ZBTB25: variants seen among roughly 807,000 people sequenced by gnomAD.
The protein encoded by ZBTB25 is zinc finger and BTB domain containing 25.
Under a neutral mutation model 34.2 loss-of-function variants are expected in ZBTB25, and 20 were observed. That is an observed-to-expected ratio of 0.58 (90% CI 0.41 to 0.85). The LOEUF (loss-of-function observed/expected upper bound fraction) is 0.85. Ranked by LOEUF, ZBTB25 falls within the 40% of genes least tolerant of loss-of-function variation. The pLI is 0.00. For synonymous variants in ZBTB25, 175 were observed against 186.4 expected, an observed-to-expected ratio of 0.94 and a Z score of 0.50; for missense variants, 437 against 521.8, an observed-to-expected ratio of 0.84 and a Z score of 1.58.
rs2078598266 is a variant in ZBTB25, at chr14:64,465,268, C to T, written c.174-15630G>A. 2.0e-5 allele frequency among the ~76,000 whole-genome samples: 3 copies of T among 152,194 alleles called. No homozygotes were observed. The East Asian group carries it at 5.8e-4, about 29-fold the overall frequency. On this transcript the variant is annotated intron_variant, in intron 2 of 2. Transcript: ENST00000555220. ...CCGGCTGGCTCTCTTGCGGTCCCCG[C>T]CTCGGCGCTGATGTGGTCTGGCAGT...
At chr14:64,453,577 CAAAAAG>C (rs1324670233) in intron 2 of ZBTB25, among the ~76,000 whole-genome samples, 1 of 152,088 alleles carries the variant, frequency 6.6e-6, no homozygotes, top group Non-Finnish European at 1.5e-5. Flanking sequence ...CTCAAAAAAA[CAAAAAG>C]AAAGTGTTCT....
chr14:64,457,939 C>T (rs1271244357), intron 2 of ZBTB25: 3 of 550,284 alleles, frequency 5.5e-6, no homozygotes, highest in Non-Finnish European at 9.8e-6. Flanking sequence ...TGCTCTGTCG[C>T]CCAGGCAATC....
downstream of ZBTB25, among the ~76,000 whole-genome samples, chr14:64,477,429 C>T (rs1443158154): frequency 2.6e-5 from 4 of 152,030 alleles, no homozygotes; most frequent in African/African-American, 7.2e-5. Context: ...TCCTCATAGA[C>T]GTTAAAATAT....
At chr14:64,451,694 A>G (rs11849530) in intron 2 of ZBTB25, among the ~76,000 whole-genome samples, 30,973 of 152,140 alleles carry the variant, frequency 0.2, 3,742 homozygotes, top group East Asian at 0.35. Flanking sequence ...TTTAGAACCC[A>G]TTTCTACTTG....
chr14:64,495,320 G>A (rs570311450), intron 1 of ZBTB25, among the ~76,000 whole-genome samples: 22 of 152,326 alleles, frequency 1.4e-4, no homozygotes, highest in Admixed American at 5.2e-4. Flanking sequence ...TTAGCCTTAA[G>A]TGTGCTGTTT....
At chr14:64,504,592 C>T, upstream of ZBTB25, 1 of 248,490 alleles carries the variant, frequency 4.0e-6, no homozygotes. Flanking sequence ...CTTGTTGCAA[C>T]AAACAGGCGA....
chr14:64,449,803 T>G (rs1012152227), intron 2 of ZBTB25, among the ~76,000 whole-genome samples: 30 of 152,200 alleles, frequency 2.0e-4, no homozygotes, highest in Admixed American at 1.8e-3. Context: ...TTCTTTTTAT[T>G]TTTGAGACGG....
chr14:64,502,514 G>T, intron 1 of ZBTB25: 1 of 389,684 alleles, frequency 2.6e-6, no homozygotes, highest in Non-Finnish European at 3.5e-6. Context: ...AAACTTTCAG[G>T]GGTGGCTGGG....
intron 2 of ZBTB25, chr14:64,462,922 C>G (rs1393947699): frequency 6.6e-6 from 1 of 151,852 alleles, no homozygotes; most frequent in Non-Finnish European, 1.5e-5. Context: ...AGCTATAGGC[C>G]CAGGCAATGG....
chr14:64,456,208 C>T (rs775660314), intron 2 of ZBTB25, among the ~76,000 whole-genome samples: 1 of 105,184 alleles, frequency 9.5e-6, no homozygotes, highest in Non-Finnish European at 2.4e-5. Context: ...CACAGCCTGC[C>T]GAACTCAAGA....
rs533774150 is a variant in ZBTB25 at position 64,492,390 on chromosome 14, A to G, written c.-7-1850T>C. Among the ~76,000 whole-genome samples, 3 of 151,988 alleles carry G rather than the reference A, an allele frequency of 2.0e-5. No individual in the cohort carries two copies. In the East Asian group the frequency reaches 5.8e-4, roughly 29 times the overall value. On this transcript the variant is annotated intron_variant, in intron 1 of 2. Transcript: ENST00000608382. ...CCCAGCTAATTTTTGTATTTTTAGT[A>G]GAGACGGGAGTTCACCATGTTGGCC...
At chr14:64,498,554 G>A (rs1321147671) in intron 1 of ZBTB25, among the ~76,000 whole-genome samples, 3 of 152,104 alleles carry the variant, frequency 2.0e-5, no homozygotes, top group Admixed American at 1.3e-4. Flanking sequence ...CAGGCGATCC[G>A]CCTGCCTTGG....
At chr14:64,504,232 A>C (rs1368743424), upstream of ZBTB25, 1 of 148,402 alleles carries the variant, frequency 6.7e-6, no homozygotes, top group Non-Finnish European at 1.5e-5. Flanking sequence ...ACTCAGGGCC[A>C]GAGGCAGCAG....
chr14:64,485,771 T>A lies in ZBTB25; in HGVS notation c.*1152A>T. ...AATCCTGACGCTGAGGGTAGAAACA[T>A]GATTTATATTTTATCATCATTCTCT... On this transcript the variant is annotated 3_prime_UTR_variant, in exon 3 of 3. Transcript: ENST00000608382. 1.0e-6 allele frequency: 1 copy of A among 985,384 alleles called. No individual in the cohort carries two copies. The highest frequency in any genetic ancestry group is 1.2e-6 in the Non-Finnish European group (1 of 829,922). The allele number at this position is 985,384 out of a possible 1,614,324, so 61.0% of individuals were successfully genotyped here.
intron 1 of ZBTB25, chr14:64,503,063 A>T: frequency 1.0e-6 from 1 of 985,470 alleles, no homozygotes; most frequent in South Asian, 4.7e-5. Flanking sequence ...CTGCCTCCGC[A>T]ACTGGTAACA....
chr14:64,459,696 AG>A, intron 2 of ZBTB25: 2 of 1,385,834 alleles, frequency 1.4e-6, no homozygotes, highest in South Asian at 2.7e-5. Context: ...GCAGTATGGA[AG>A]GAACAGGAAA....
chr14:64,457,909 G>T, intron 2 of ZBTB25: 6 of 448,330 alleles, frequency 1.3e-5, no homozygotes, highest in East Asian at 3.9e-5. Flanking sequence ...ATGACTTTAC[G>T]TTTATTTTAG....
At chr14:64,454,546 CTTT>C (rs59626407) in intron 2 of ZBTB25, among the ~76,000 whole-genome samples, 4 of 133,408 alleles carry the variant, frequency 3.0e-5, no homozygotes, top group Non-Finnish European at 3.3e-5. Flanking sequence ...CCCAACAGTT[CTTT>C]TTTTTTTTTT....
chr14:64,500,475 A>AAAAAGAG (rs35009526), intron 1 of ZBTB25, among the ~76,000 whole-genome samples: 2 of 70,598 alleles, frequency 2.8e-5, no homozygotes, highest in African/African-American at 7.4e-5. Flanking sequence ...AAAAAAAAAA[A>AAAAAGAG]AGAGAGAGAG....
Sources: gnomAD v4.1 joint callset for allele counts (sites outside exome capture counted in the v4.1 genomes callset) on GRCh38, gnomAD v4.1.1 for gene constraint, MANE v1.5 for transcripts, NCBI Gene and HGNC (gene_info 2026-07-23, HGNC 2026-07-21) for gene names.